PLD1: variants seen among roughly 807,000 people sequenced by gnomAD.
PLD1 encodes choline phosphatase 1.
In PLD1, 112 loss-of-function variants were observed where a neutral mutation model predicts 137.1. That is an observed-to-expected ratio of 0.82 (90% confidence interval 0.70 to 0.96). PLD1 has a LOEUF of 0.96. PLD1 is among the 40% of genes least tolerant of loss of function. The pLI, the probability that PLD1 is intolerant of heterozygous loss-of-function variation, is 0.00. For missense variants in PLD1, 1,321 were observed against 1,342.0 expected, an observed-to-expected ratio of 0.98 and a Z score of 0.24; for synonymous variants, 431 against 454.7, an observed-to-expected ratio of 0.95 and a Z score of 0.66.
intron 21 of PLD1, among the ~76,000 whole-genome samples, chr3:171,647,453 T>C (rs1736341752): frequency 6.7e-6 from 1 of 149,606 alleles, no homozygotes; most frequent in South Asian, 2.1e-4. Context: ...ATTTTACCCT[T>C]TTTTTTTTAT....
chr3:171,803,758 C>T lies in PLD1; in HGVS notation c.-32+6641G>A, dbSNP rs777110976. Among the ~76,000 whole-genome samples the T allele has an allele frequency of 4.6e-5, 7 of 152,050 alleles. No individual in the cohort carries two copies. In the East Asian group the frequency reaches 1.2e-3, roughly 25 times the overall value. On this transcript the variant is annotated intron_variant, in intron 1 of 26. Coordinates refer to ENST00000351298, the MANE Select transcript of PLD1 (RefSeq NM_002662.5). ...CAAAAAAAGAAATTCCTATCATGGC[C>T]GCTTCCAAGTTACCAACATGATATC...
intron 2 of PLD1, 104 bp downstream of exon 2, chr3:171,737,788 C>T (rs1719478166): frequency 2.2e-6 from 3 of 1,387,430 alleles, no homozygotes; most frequent in Non-Finnish European, 3.0e-6. Context: ...CCCGGTGTTA[C>T]ATCTGCAAGG....
intron 18 of PLD1, among the ~76,000 whole-genome samples, chr3:171,674,928 G>A (rs999187011): frequency 1.9e-4 from 25 of 129,992 alleles, no homozygotes; most frequent in South Asian, 1.0e-3. Flanking sequence ...GCAGTGAGTC[G>A]AGATTTCATC....
At chr3:171,692,709 C>T (rs1401767795) in intron 12 of PLD1, among the ~76,000 whole-genome samples, 1 of 152,044 alleles carries the variant, frequency 6.6e-6, no homozygotes, top group African/African-American at 2.4e-5. Context: ...CTAGTAGAGA[C>T]AGGATTTCGC....
chr3:171,758,881 C>T (rs1324642573), intron 1 of PLD1, among the ~76,000 whole-genome samples: 4 of 152,180 alleles, frequency 2.6e-5, no homozygotes, highest in Non-Finnish European at 5.9e-5. Flanking sequence ...TATCATTCTA[C>T]TTCTCTCTGA....
chr3:171,684,918 G>A (rs1236318398), intron 16 of PLD1, among the ~76,000 whole-genome samples: 4 of 152,296 alleles, frequency 2.6e-5, no homozygotes, highest in African/African-American at 7.2e-5. Context: ...TATCGATGCT[G>A]TTATGATTTA....
At chr3:171,739,475 A>G (rs982652303) in intron 1 of PLD1, among the ~76,000 whole-genome samples, 3 of 152,172 alleles carry the variant, frequency 2.0e-5, no homozygotes, top group Admixed American at 1.3e-4. Context: ...TGTTGCCTGT[A>G]AGAAAGCTTG....
chr3:171,706,929 A>G (rs1184943092), intron 11 of PLD1, among the ~76,000 whole-genome samples: 5 of 152,214 alleles, frequency 3.3e-5, no homozygotes, highest in African/African-American at 1.2e-4. Context: ...ATGACCATCA[A>G]TGGTAGACTG....
chr3:171,642,812 T>G (rs201088840), intron 23 of PLD1, 28 bp downstream of exon 23: 9 of 1,360,672 alleles, frequency 6.6e-6, no homozygotes, highest in African/African-American at 2.9e-5. Context: ...TAAAAAACAA[T>G]GATATGAGAA....
In PLD1 at chr3:171,792,673, A is replaced by G. The variant is rs1560306001; in HGVS notation, c.-32+17726T>C. On this transcript the variant is annotated intron_variant, in intron 1 of 26. Transcript: ENST00000351298. Reference sequence around the variant, plus strand: ...CCCCTGCCTCTGTGAGTCACAGAGAAACACAGTAAATTTAGGCTCCTGGTG... The same window carrying G: ...CCCCTGCCTCTGTGAGTCACAGAGAGACACAGTAAATTTAGGCTCCTGGTG... The G allele has an allele frequency of 6.6e-6, 3 of 456,696 alleles. No individual in the cohort carries two copies. The East Asian group carries it at 2.1e-4, about 32-fold the overall frequency. The allele number at this position is 456,696 out of a possible 1,614,324, so 28.3% of individuals were successfully genotyped here. A position where few individuals can be genotyped will look rare whatever the true frequency, so the allele number is the denominator to read the frequency against.
intron 1 of PLD1, among the ~76,000 whole-genome samples, chr3:171,747,192 G>C (rs149646808): frequency 6.6e-6 from 1 of 152,148 alleles, no homozygotes; most frequent in African/African-American, 2.4e-5. Flanking sequence ...TTTAAGAACT[G>C]TAACACTTAC....
chr3:171,658,379 T>C (rs1737388956), intron 21 of PLD1, among the ~76,000 whole-genome samples: 5 of 152,160 alleles, frequency 3.3e-5, no homozygotes, highest in Non-Finnish European at 5.9e-5. Flanking sequence ...TTATTTATAA[T>C]AGGCAAAAAG....
At chr3:171,652,321 G>A (rs558723083) in intron 21 of PLD1, among the ~76,000 whole-genome samples, 15 of 151,538 alleles carry the variant, frequency 9.9e-5, no homozygotes, top group Admixed American at 9.2e-4. Context: ...GCTGAGGCAG[G>A]AGAATGGCGT....
At chr3:171,788,250 C>CTTTTTT (rs58878929) in intron 1 of PLD1, among the ~76,000 whole-genome samples, 95 of 110,552 alleles carry the variant, frequency 8.6e-4, no homozygotes, top group African/African-American at 3.1e-3. Context: ...ATCTGCACTT[C>CTTTTTT]TTTTTTTTTT....
intron 12 of PLD1, among the ~76,000 whole-genome samples, chr3:171,693,765 G>A (rs1319889281): frequency 2.0e-5 from 3 of 151,864 alleles, no homozygotes; most frequent in African/African-American, 4.8e-5. Flanking sequence ...TACAGATGCA[G>A]GTGTATTTAA....
In PLD1 at chr3:171,746,268, C is replaced by G. The variant is rs143170645; in HGVS notation, c.-31-8186G>C. Among the ~76,000 whole-genome samples the G allele has an allele frequency of 1.9e-3, 296 of 152,338 alleles. 2 individuals are homozygous for G. Among genetic ancestry groups the G allele is most frequent in the African/African-American group, 6.8e-3 (283 of 41,584 alleles). On this transcript the variant is annotated intron_variant, in intron 1 of 26. Transcript: ENST00000351298. ...CCAAGAGCTGAGGAGTGCAGGCTCG[C>G]AGCGCGGGACTGGCGGGCAGCTCAG...
intron 23 of PLD1, among the ~76,000 whole-genome samples, chr3:171,625,516 C>A (rs865920371): frequency 2.6e-5 from 4 of 152,230 alleles, no homozygotes; most frequent in African/African-American, 9.6e-5. Context: ...TCTCCCAGCA[C>A]GCAGCTGGAG....
chr3:171,629,216 T>C (rs1227343814), intron 23 of PLD1, among the ~76,000 whole-genome samples: 5 of 151,918 alleles, frequency 3.3e-5, no homozygotes, highest in Non-Finnish European at 2.9e-5. Flanking sequence ...TATACACCAA[T>C]AACAGACAAA....
intron 1 of PLD1, among the ~76,000 whole-genome samples, chr3:171,780,978 G>GA (rs1411698625): frequency 7.2e-5 from 11 of 152,054 alleles, no homozygotes; most frequent in Admixed American, 7.2e-4. Context: ...AATGTGTATA[G>GA]AAATTCAAAG....
Sources: allele counts gnomAD v4.1 joint callset (sites outside exome capture counted in the v4.1 genomes callset), GRCh38; gene constraint gnomAD v4.1.1; transcripts MANE v1.5; gene names NCBI Gene and HGNC (gene_info 2026-07-23, HGNC 2026-07-21).